BCAP31: variants seen among roughly 807,000 people sequenced by gnomAD.
BCAP31 encodes B cell receptor associated protein 31, also known as B-cell receptor-associated protein 31.
For synonymous variants in BCAP31, 75 were observed against 80.9 expected (o/e 0.93, Z 0.39); for missense variants, 124 against 193.0 (o/e 0.64, Z 2.12).
In BCAP31 at chrX:153,703,089, C is replaced by A. The variant is rs2091529633; in HGVS notation, c.478-31G>T. ...AAAAGTGCCAAAGGCCAGGGTTACT[C>A]AGGAGGGAGGGAGGGAGAGGTTCCA... On this transcript the variant is annotated intron_variant, in intron 5 of 7. Coordinates refer to ENST00000345046, the MANE Select transcript of BCAP31 (RefSeq NM_001256447.2). 3 of 1,206,239 alleles carry A rather than the reference C, an allele frequency of 2.5e-6. No homozygotes were observed. In the East Asian group the frequency reaches 8.9e-5, roughly 36 times the overall value.
intron 2 of BCAP31, among the ~76,000 whole-genome samples, chrX:153,721,569 G>A (rs1222656941): frequency 3.1e-5 from 3 of 97,670 alleles, no homozygotes; most frequent in African/African-American, 7.6e-5. Flanking sequence ...AAGCCACCGC[G>A]CCCAGCCTGG....
At chrX:153,724,165 G>A (rs1446146377) in intron 1 of BCAP31, 169 bp downstream of exon 1, 1 of 242,373 alleles carries the variant, frequency 4.1e-6, no homozygotes, top group African/African-American at 3.2e-5. Context: ...AGCTTCTAGA[G>A]GCGCCGCCCG....
chrX:153,714,480 T>C (rs1258941681), intron 4 of BCAP31, among the ~76,000 whole-genome samples: 2 of 111,528 alleles, frequency 1.8e-5, no homozygotes, highest in Non-Finnish European at 3.8e-5. Context: ...ACCCATTATC[T>C]TGAAAAAAAT....
chrX:153,702,942 A>G lies in BCAP31; in HGVS notation c.594T>C (p.Thr198=), dbSNP rs148285908. The change falls in exon 6 of 8, where the codon ACT becomes ACC. Residue 198 remains threonine (T), a synonymous_variant. Coordinates refer to ENST00000345046, the MANE Select transcript of BCAP31 (RefSeq NM_001256447.2). ...LQKLKDELAS[T]KQKLEKAENQ... ...CACGAGGTCGAGCCTCACTTTGCTT[A>G]GTGCTGGCCAGCTCGTCCTTTAGCT... 76 of 1,208,919 alleles carry G rather than the reference A, an allele frequency of 6.3e-5. No homozygotes were observed. Among genetic ancestry groups the G allele is most frequent in the Middle Eastern group, 2.9e-4 (1 of 3,417 alleles).
Position 153,720,893 on chromosome X carries a change from T to C in BCAP31, c.172A>G (p.Ile58Val). 1 of 1,211,257 alleles carries C rather than the reference T, an allele frequency of 8.3e-7. No individual in the cohort carries two copies. Among genetic ancestry groups the C allele is most frequent in the Non-Finnish European group, 1.1e-6 (1 of 895,301 alleles). The change falls in exon 3 of 8, where the codon ATC (isoleucine) becomes GTC (valine). Residue 58 changes from isoleucine (I) to valine (V), a missense_variant. Physicochemically the swap from Ile to Val is conservative, Grantham distance 29 (BLOSUM62 3). Coordinates refer to ENST00000345046, the MANE Select transcript of BCAP31 (RefSeq NM_001256447.2). ...TCACCGATGACCAACAGCACAAGGA[T>C]GACAATGAGAACCACAAAGAAGGTG... ...GNTFFVVLIV[I>V]LVLLVIDAVR...
chrX:153,710,217 C>T (rs1329455966), intron 4 of BCAP31, among the ~76,000 whole-genome samples: 2 of 111,445 alleles, frequency 1.8e-5, no homozygotes, highest in African/African-American at 3.3e-5. Flanking sequence ...CATGTGATAG[C>T]GAGCCACTGG....
chrX:153,713,206 C>CA (rs782785518), intron 4 of BCAP31, among the ~76,000 whole-genome samples: 32 of 107,724 alleles, frequency 3.0e-4, no homozygotes, highest in Non-Finnish European at 4.4e-4. Context: ...GACTCTGTCT[C>CA]AAAAAAAAAG....
At chrX:153,709,113 T>C (rs138755351) in intron 4 of BCAP31, among the ~76,000 whole-genome samples, 1,425 of 111,781 alleles carry the variant, frequency 0.013, 35 homozygotes, top group African/African-American at 0.045. Context: ...TGTATCTTTT[T>C]TAAAACCAGC....
chrX:153,702,215 C>T (rs1251751905), intron 6 of BCAP31, 108 bp from the exon 7 acceptor site: 14 of 632,142 alleles, frequency 2.2e-5, no homozygotes, highest in Admixed American at 3.5e-5. Flanking sequence ...CTATCTCAAA[C>T]GAGGTTATAC....
chrX:153,724,216 G>T, intron 1 of BCAP31, 118 bp downstream of exon 1: 1 of 215,426 alleles, frequency 4.6e-6, no homozygotes. Context: ...GGTAGGCTGC[G>T]GGCCCCGAGA....
intron 4 of BCAP31, among the ~76,000 whole-genome samples, chrX:153,710,781 T>C (rs782732523): frequency 4.5e-5 from 5 of 111,815 alleles, no homozygotes; most frequent in African/African-American, 1.6e-4. Flanking sequence ...CGCTGAAAAC[T>C]AGTGCCAAGC....
At chrX:153,706,804 C>CT (rs3216395) in intron 4 of BCAP31, among the ~76,000 whole-genome samples, 21,104 of 111,391 alleles carry the variant, frequency 0.19, 2,214 homozygotes, top group African/African-American at 0.4. Context: ...TCTTGGCCCC[C>CT]AGCCCAAGCC....
At chrX:153,707,711 C>G (rs1178071633) in intron 4 of BCAP31, among the ~76,000 whole-genome samples, 1 of 112,701 alleles carries the variant, frequency 8.9e-6, no homozygotes, top group East Asian at 2.8e-4. Flanking sequence ...CAACCCAGAG[C>G]TCCAGCCTCT....
rs782252900 is a variant in BCAP31, at chrX:153,709,635, T to G, written c.342-5541A>C. 3.5e-5 allele frequency among the ~76,000 whole-genome samples: 4 copies of G among 112,736 alleles called. No individual in the cohort carries two copies. In the South Asian group the frequency reaches 1.5e-3, roughly 41 times the overall value. ...AAGTGGAAACCAGTGGCTCATCCAG[T>G]GTGGTCCCCTGGAGGTGGCCCCGAT... On this transcript the variant is annotated intron_variant, in intron 4 of 7. Coordinates refer to ENST00000345046, the MANE Select transcript of BCAP31 (RefSeq NM_001256447.2).
intron 4 of BCAP31, among the ~76,000 whole-genome samples, chrX:153,713,405 T>C (rs1557049504): frequency 8.9e-6 from 1 of 112,087 alleles, no homozygotes; most frequent in African/African-American, 3.2e-5. Context: ...ACACTCCATC[T>C]ATAGAAGGCT....
chrX:153,703,854 T>C (rs2091535572), intron 5 of BCAP31, 105 bp downstream of exon 5: 3 of 1,099,199 alleles, frequency 2.7e-6, no homozygotes, highest in South Asian at 2.1e-5. Flanking sequence ...TTCAGGCACA[T>C]TTCCCAGCGT....
intron 4 of BCAP31, among the ~76,000 whole-genome samples, chrX:153,704,458 G>C (rs782334326): frequency 1.6e-4 from 18 of 112,213 alleles, no homozygotes; most frequent in African/African-American, 5.2e-4. Flanking sequence ...TGCGAGGCTG[G>C]GCTTGCCTTG....
chrX:153,722,050 C>CA lies in BCAP31; in HGVS notation c.93-1079dup, dbSNP rs781907529. Among the ~76,000 whole-genome samples the CA allele has an allele frequency of 5.7e-3, 637 of 112,077 alleles. 2 individuals are homozygous for CA. Among genetic ancestry groups the CA allele is most frequent in the Non-Finnish European group, 7.8e-3 (413 of 53,162 alleles). On this transcript the variant is annotated intron_variant, in intron 2 of 7. Transcript: ENST00000345046. ...ACGTTATTTCTTTAAACTGTCTTTC[C>CA]ACATGATAAACCTTGGTTTGTCTAT...
intron 6 of BCAP31, chrX:153,702,312 A>C: frequency 2.6e-6 from 1 of 384,130 alleles, no homozygotes; most frequent in South Asian, 4.0e-5. Flanking sequence ...CTCAAGATAA[A>C]GCAAAAGAAA....
Sources: gnomAD v4.1 joint callset for allele counts (sites outside exome capture counted in the v4.1 genomes callset) on GRCh38, gnomAD v4.1.1 for gene constraint, MANE v1.5 for transcripts, NCBI Gene and HGNC (gene_info 2026-07-23, HGNC 2026-07-21) for gene names.